The following PFKFB4 variants were observed in gnomAD, a reference collection of about 807,000 sequenced individuals.
PFKFB4 encodes 6-phosphofructo-2-kinase/fructose-2,6-bisphosphatase 4.
PFKFB4 carries 42 observed loss-of-function variants against 62.8 expected under a neutral mutation model. That is an observed-to-expected ratio of 0.67 (90% CI 0.52 to 0.86). PFKFB4 has a LOEUF of 0.86. PFKFB4 is among the 40% of genes least tolerant of loss of function. The probability of loss-of-function intolerance (pLI) is 0.00; values close to 1 mark genes in which losing one functional copy is unlikely to be tolerated. For synonymous variants in PFKFB4, 204 were observed against 240.7 expected (o/e 0.85, Z 1.41); for missense variants, 475 against 627.2 (o/e 0.76, Z 2.59).
chr3:48,523,777 C>A lies in PFKFB4; in HGVS notation c.1146G>T (p.Arg382Ser). 6.2e-7 allele frequency: 1 copy of A among 1,614,192 alleles called. No homozygotes were observed. Among genetic ancestry groups the A allele is most frequent in the Non-Finnish European group, 8.5e-7 (1 of 1,180,018 alleles). Residue 382 changes from arginine (R) to serine (S), a missense_variant, in exon 11 of 14, where the codon AGG becomes AGT. Coordinates refer to ENST00000232375, the MANE Select transcript of PFKFB4 (RefSeq NM_004567.4). ...RLEPVIMELE[R>S]QENVLVICHQ... The stretch of plus-strand genomic sequence containing the variant: ...GGCAGATGACCAGCACATTCTCTTG[C>A]CTCTCCAGCTCCATGATGACAGGCT...
intron 10 of PFKFB4, among the ~76,000 whole-genome samples, chr3:48,524,873 G>C (rs1240065616): frequency 6.6e-6 from 1 of 152,204 alleles, no homozygotes; most frequent in Admixed American, 6.5e-5. Flanking sequence ...CTCAGTTTCT[G>C]ACCTGGGGCC....
intron 9 of PFKFB4, among the ~76,000 whole-genome samples, chr3:48,531,425 A>C (rs1021653588): frequency 1.3e-5 from 2 of 150,222 alleles, no homozygotes; most frequent in African/African-American, 4.9e-5. Context: ...TGAACCCGGG[A>C]AGCAGAAATT....
upstream of PFKFB4, among the ~76,000 whole-genome samples, chr3:48,557,202 A>C (rs1022554825): frequency 8.5e-5 from 13 of 152,224 alleles, no homozygotes; most frequent in African/African-American, 3.1e-4. Flanking sequence ...GAGCAGCGGC[A>C]CGCGTGAATT....
At chr3:48,542,819 T>C (rs1333197848) in intron 4 of PFKFB4, among the ~76,000 whole-genome samples, 1 of 152,154 alleles carries the variant, frequency 6.6e-6, no homozygotes. Context: ...AACCATCAAA[T>C]GTGAGGATTA....
intron 9 of PFKFB4, among the ~76,000 whole-genome samples, chr3:48,529,092 T>TA (rs2042353118): frequency 6.6e-6 from 1 of 152,054 alleles, no homozygotes; most frequent in Admixed American, 6.6e-5. Context: ...GGCTGGAGTG[T>TA]AATGGCACGA....
In PFKFB4 at chr3:48,539,312, T is replaced by C. The variant is rs1178813524; in HGVS notation, c.454-2A>G. The stretch of plus-strand genomic sequence containing the variant: ...ACAGATGGACTCGACAAAAAAGGTC[T>C]GCGGCAGGACCAGAAGCGCCGGGGT... On this transcript the variant is annotated splice_acceptor_variant, in intron 5 of 13. Transcript: ENST00000232375. LOFTEE classifies it high-confidence loss of function. 6.2e-7 allele frequency: 1 copy of C among 1,612,428 alleles called. No individual in the cohort carries two copies. The highest frequency in any genetic ancestry group is 1.1e-5 in the South Asian group (1 of 91,000).
intron 3 of PFKFB4, among the ~76,000 whole-genome samples, chr3:48,545,184 T>G (rs951310890): frequency 1.3e-5 from 2 of 152,150 alleles, no homozygotes; most frequent in African/African-American, 2.4e-5. Flanking sequence ...CAGGCTGGAG[T>G]GCAGTGGCAT....
Position 48,519,728 on chromosome 3 carries a change from TCA to T in PFKFB4, c.*17_*18del, listed in dbSNP as rs2042030811. 1.2e-6 allele frequency: 2 copies of T among 1,603,210 alleles called. No individual in the cohort carries two copies. Among genetic ancestry groups the T allele is most frequent in the East Asian group, 2.2e-5 (1 of 44,860 alleles). On this transcript the variant is annotated 3_prime_UTR_variant, in exon 14 of 14. Coordinates refer to ENST00000232375, the MANE Select transcript of PFKFB4 (RefSeq NM_004567.4). Reference sequence around the variant, plus strand: ...GCAGAGAGCAGTGCCTGCCTAGTGGTCACAGTGGATGAACATGGTCACTGGTG... The same window carrying T: ...GCAGAGAGCAGTGCCTGCCTAGTGGTCAGTGGATGAACATGGTCACTGGTG...
upstream of PFKFB4, chr3:48,557,038 G>C: frequency 8.4e-7 from 1 of 1,192,242 alleles, no homozygotes. Context: ...GATCGAGAAT[G>C]CGCATGCTCA....
At chr3:48,538,667 G>T in intron 6 of PFKFB4, 48 bp from the exon 7 acceptor site, 1 of 1,612,172 alleles carries the variant, frequency 6.2e-7, no homozygotes, top group Non-Finnish European at 8.5e-7. Context: ...TCAGGAGCCA[G>T]GCGGGGCCAG....
intron 3 of PFKFB4, among the ~76,000 whole-genome samples, chr3:48,549,125 C>A (rs187672226): frequency 6.6e-6 from 1 of 152,200 alleles, no homozygotes; most frequent in Non-Finnish European, 1.5e-5. Context: ...GAGAAAAGCA[C>A]AGCATGGCTG....
chr3:48,525,390 G>A (rs2042224618), intron 10 of PFKFB4, among the ~76,000 whole-genome samples, 175 bp downstream of exon 10: 3 of 152,156 alleles, frequency 2.0e-5, no homozygotes, highest in Admixed American at 1.3e-4. Context: ...TAAGGCCTGG[G>A]CTGCATAGCT....
chr3:48,522,528 G>C (rs2042127773), intron 12 of PFKFB4, among the ~76,000 whole-genome samples: 1 of 152,212 alleles, frequency 6.6e-6, no homozygotes, highest in Non-Finnish European at 1.5e-5. Context: ...TGTTAAAGGT[G>C]AAGAGCTAAG....
At chr3:48,542,046 CAG>C (rs1370557806) in intron 4 of PFKFB4, among the ~76,000 whole-genome samples, 3 of 152,030 alleles carry the variant, frequency 2.0e-5, no homozygotes, top group African/African-American at 7.2e-5. Flanking sequence ...CCAAAAAAAA[CAG>C]AGAAAATAAA....
intron 1 of PFKFB4, among the ~76,000 whole-genome samples, chr3:48,554,186 C>T (rs1343815197): frequency 2.6e-5 from 4 of 152,170 alleles, no homozygotes; most frequent in Non-Finnish European, 5.9e-5. Context: ...CTGCTTCTTC[C>T]TCCCCACAAA....
chr3:48,533,966 C>T (rs1324614809), intron 9 of PFKFB4, among the ~76,000 whole-genome samples: 1 of 152,196 alleles, frequency 6.6e-6, no homozygotes, highest in Non-Finnish European at 1.5e-5. Flanking sequence ...GAGGCAGCAG[C>T]TTACTGCCCA....
intron 9 of PFKFB4, among the ~76,000 whole-genome samples, chr3:48,528,175 G>A (rs909447720): frequency 2.0e-5 from 3 of 152,010 alleles, no homozygotes; most frequent in Non-Finnish European, 2.9e-5. Context: ...CATGTTGGAC[G>A]GCTACAACCA....
Position 48,556,702 on chromosome 3 carries a change from G to C in PFKFB4, c.76C>G (p.Leu26Val). 2 of 1,609,142 alleles carry C rather than the reference G, an allele frequency of 1.2e-6. No homozygotes were observed. The highest frequency in any genetic ancestry group is 2.2e-5 in the South Asian group (2 of 90,832). ...WMPYSNGRPA[L>V]HACQRGVCMT... is the part of the protein sequence containing the mutation. Reference sequence around the variant, plus strand: ...TCACCACCGCGCTGGCAAGCGTGCAGAGCGGGCCGCCCATTGCTGTATGGC... The same window carrying C: ...TCACCACCGCGCTGGCAAGCGTGCACAGCGGGCCGCCCATTGCTGTATGGC... Residue 26 changes from leucine to valine, a missense_variant, in exon 1 of 14, where the codon CTG (leucine) becomes GTG (valine). Transcript: ENST00000232375. This position sits in a 1 kb window ranked among gnomAD's most constrained non-coding sequence, Gnocchi z 5.7.
intron 3 of PFKFB4, among the ~76,000 whole-genome samples, chr3:48,549,490 G>A (rs1259549540): frequency 6.6e-6 from 1 of 151,914 alleles, no homozygotes; most frequent in Non-Finnish European, 1.5e-5. Flanking sequence ...TGACCTCCAG[G>A]CAGCAGCTCC....
Sources: gnomAD v4.1 joint callset for allele counts (sites outside exome capture counted in the v4.1 genomes callset) on GRCh38, gnomAD v4.1.1 for gene constraint, Gnocchi (gnomAD v3.1) non-coding constraint, MANE v1.5 for transcripts, NCBI Gene and HGNC (gene_info 2026-07-23, HGNC 2026-07-21) for gene names.